MGAT5: variants seen among roughly 807,000 people sequenced by gnomAD.
The protein encoded by MGAT5 is alpha-1,6-mannosylglycoprotein 6-beta-N-acetylglucosaminyltransferase A.
A neutral mutation model predicts 94.3 loss-of-function variants in MGAT5; 30 were observed. That is an observed-to-expected ratio of 0.32 (90% CI 0.24 to 0.43). MGAT5 has a LOEUF of 0.43. Ranked by LOEUF, MGAT5 falls within the 20% of genes least tolerant of loss-of-function variation. The pLI is 1.00. For missense variants in MGAT5, 691 were observed against 905.5 expected, an observed-to-expected ratio of 0.76 and a Z score of 3.04; for synonymous variants, 310 against 322.9, an observed-to-expected ratio of 0.96 and a Z score of 0.43.
chr2:134,412,962 CCCA>C lies in MGAT5; in HGVS notation c.1625_1627del (p.Pro542_Lys543delinsGln). On this transcript the variant is annotated inframe_deletion, in exon 12 of 16. Coordinates refer to ENST00000281923, the MANE Select transcript of MGAT5 (RefSeq NM_002410.5). ...TTTTCTGAATCCCAAGTTCAACCCACCCAAAAGCAGCAAAAACACAGACTTTTT... is the reference window on the plus strand; with the variant it reads ...TTTTCTGAATCCCAAGTTCAACCCACAAAGCAGCAAAAACACAGACTTTTT... 6.2e-7 allele frequency: 1 copy of C among 1,614,106 alleles called. No individual in the cohort carries two copies. Among genetic ancestry groups the C allele is most frequent in the Non-Finnish European group, 8.5e-7 (1 of 1,180,010 alleles).
chr2:134,190,771 GAGT>G (rs1188411134), intron 1 of MGAT5, among the ~76,000 whole-genome samples: 2 of 151,948 alleles, frequency 1.3e-5, no homozygotes, highest in Non-Finnish European at 2.9e-5. Context: ...TCAGCCTCCC[GAGT>G]AGCTAGGACT....
At chr2:134,389,929 G>A (rs934912) in intron 10 of MGAT5, among the ~76,000 whole-genome samples, 148,152 of 152,268 alleles carry the variant, frequency 0.97, 72,152 homozygotes, top group East Asian at 1. Flanking sequence ...TTCTTTCTAA[G>A]CTGAGAACGT....
chr2:134,137,932 C>T, intron 1 of MGAT5, among the ~76,000 whole-genome samples: 1 of 146,200 alleles, frequency 6.8e-6, no homozygotes. Context: ...ATGTTGCTTT[C>T]TGAGTCACTG....
chr2:134,448,253 C>T (rs1470792401), intron 15 of MGAT5, among the ~76,000 whole-genome samples: 1 of 152,214 alleles, frequency 6.6e-6, no homozygotes, highest in Non-Finnish European at 1.5e-5. Context: ...CACCTTTCCC[C>T]AGGATGACTC....
At chr2:134,218,784 G>T (rs1680617163) in intron 1 of MGAT5, among the ~76,000 whole-genome samples, 1 of 152,186 alleles carries the variant, frequency 6.6e-6, no homozygotes, top group African/African-American at 2.4e-5. Context: ...GAGTCTTATT[G>T]CAAGGGGAAT....
At chr2:134,395,096 A>G (rs1392446884) in intron 10 of MGAT5, among the ~76,000 whole-genome samples, 1 of 152,180 alleles carries the variant, frequency 6.6e-6, no homozygotes, top group African/African-American at 2.4e-5. Flanking sequence ...TGTTTTCTGC[A>G]TGGTAGTATA....
intron 1 of MGAT5, among the ~76,000 whole-genome samples, chr2:134,189,602 G>GTTGTTTTTTTTTTTTTTTTTTTTTTTTT (rs1689232395): frequency 8.3e-5 from 7 of 84,670 alleles, no homozygotes; most frequent in African/African-American, 3.3e-4. Context: ...GTTTTTTTTT[G>GTTGTTTTTTTTTTTTTTTTTTTTTTTTT]TTTTTTTTTT....
At chr2:134,275,578 C>CT (rs11409592) in intron 2 of MGAT5, among the ~76,000 whole-genome samples, 5,951 of 79,510 alleles carry the variant, frequency 0.075, 242 homozygotes, top group East Asian at 0.16. Context: ...GTGCTATTTC[C>CT]TTTTTTTTTT....
chr2:134,312,461 A>T (rs1348193757), intron 2 of MGAT5, among the ~76,000 whole-genome samples: 14 of 152,148 alleles, frequency 9.2e-5, no homozygotes, highest in Non-Finnish European at 2.9e-5. Context: ...AGTGACTCCA[A>T]GTAAGGCTCT....
At chr2:134,387,332 A>ATATATATATATATATTTTTT in intron 10 of MGAT5, among the ~76,000 whole-genome samples, 6 of 24,270 alleles carry the variant, frequency 2.5e-4, no homozygotes, top group African/African-American at 8.0e-4. Context: ...ATATATATAT[A>ATATATATATATATATTTTTT]TTTTTTTTTT....
rs565851004 is a variant in MGAT5, at chr2:134,451,313, C to A, written c.*2466C>A. ...TTTAAAAATCCCTCTTTCATCCCCC[C>A]CAGTCCAGTATTGAGTGGAAGTGCG... is the stretch of plus-strand genomic sequence containing the variant. On this transcript the variant is annotated 3_prime_UTR_variant, in exon 16 of 16. Coordinates refer to ENST00000281923, the MANE Select transcript of MGAT5 (RefSeq NM_002410.5). 4 of 152,300 alleles carry A rather than the reference C, an allele frequency of 2.6e-5. No homozygotes were observed. Among genetic ancestry groups the A allele is most frequent in the East Asian group, 1.9e-4 (1 of 5,190 alleles). 9.4% of individuals were successfully genotyped at this position (152,300 alleles called of 1,614,324 possible).
In MGAT5 at chr2:134,254,376, C is replaced by G. The variant is rs1280377825; in HGVS notation, c.-28C>G. 6.2e-7 allele frequency: 1 copy of G among 1,613,380 alleles called. No homozygotes were observed. Among genetic ancestry groups the G allele is most frequent in the Non-Finnish European group, 8.5e-7 (1 of 1,179,618 alleles). Reference sequence around the variant, plus strand: ...TGTCTATCTTCTACGCGTTAAGAGCCAAGGACAGGTGAAGTTGCCAGAGAG... The same window carrying G: ...TGTCTATCTTCTACGCGTTAAGAGCGAAGGACAGGTGAAGTTGCCAGAGAG... On this transcript the variant is annotated 5_prime_UTR_variant, in exon 1 of 16. Coordinates refer to ENST00000281923, the MANE Select transcript of MGAT5 (RefSeq NM_002410.5).
chr2:134,256,647 C>T (rs868392907), intron 1 of MGAT5, among the ~76,000 whole-genome samples: 1 of 152,104 alleles, frequency 6.6e-6, no homozygotes, highest in African/African-American at 2.4e-5. Flanking sequence ...CAAAAAAATC[C>T]CAGAATAGGC....
chr2:134,408,090 A>C (rs1683445673), intron 11 of MGAT5, among the ~76,000 whole-genome samples: 1 of 152,154 alleles, frequency 6.6e-6, no homozygotes, highest in Non-Finnish European at 1.5e-5. Flanking sequence ...CATTTTAATG[A>C]AGCAGCCACT....
In MGAT5 at chr2:134,419,319, CT is replaced by C. The variant is rs1220265351; in HGVS notation, c.1678-3483del. The stretch of plus-strand genomic sequence containing the variant: ...TTCCGCAAGGCCTTAAGTAATGTGG[CT>C]GGTTCAGGTTATGTTTTAATATAAA... On this transcript the variant is annotated intron_variant, in intron 12 of 15. Coordinates refer to ENST00000281923, the MANE Select transcript of MGAT5 (RefSeq NM_002410.5). Among the ~76,000 whole-genome samples the C allele has an allele frequency of 6.6e-5, 10 of 152,124 alleles. No homozygotes were observed. In the South Asian group the frequency reaches 1.7e-3, roughly 25 times the overall value.
chr2:134,324,639 A>G (rs1180213418), intron 4 of MGAT5, among the ~76,000 whole-genome samples: 1 of 152,150 alleles, frequency 6.6e-6, no homozygotes, highest in East Asian at 1.9e-4. Flanking sequence ...GCTGCTAAAG[A>G]TAACTTGGAA....
chr2:134,349,252 A>G (rs963111529), intron 8 of MGAT5, among the ~76,000 whole-genome samples: 2 of 152,218 alleles, frequency 1.3e-5, no homozygotes, highest in African/African-American at 4.8e-5. Context: ...GAAAGCAAAT[A>G]AAGTTCTATT....
intron 11 of MGAT5, among the ~76,000 whole-genome samples, chr2:134,407,479 G>T (rs77979554): frequency 0.047 from 7,226 of 152,182 alleles, 589 homozygotes; most frequent in African/African-American, 0.16. Flanking sequence ...CAGAGCAAAA[G>T]TGCATCCCTA....
intron 4 of MGAT5, among the ~76,000 whole-genome samples, chr2:134,327,256 T>C (rs1687696269): frequency 6.6e-6 from 1 of 152,132 alleles, no homozygotes; most frequent in Admixed American, 6.6e-5. Flanking sequence ...AGTCCTCTCT[T>C]ATCCATGAGG....
Sources: gnomAD v4.1 joint callset for allele counts (sites outside exome capture counted in the v4.1 genomes callset) on GRCh38, gnomAD v4.1.1 for gene constraint, MANE v1.5 for transcripts, NCBI Gene and HGNC (gene_info 2026-07-23, HGNC 2026-07-21) for gene names.